Variants in BBS9 observed in about 807,000 individuals in gnomAD.
BBS9 encodes the protein protein PTHB1.
A neutral mutation model predicts 117.7 loss-of-function variants in BBS9; 89 were observed. The observed-to-expected ratio is 0.76, with a 90% confidence interval of 0.64 to 0.90. The LOEUF (loss-of-function observed/expected upper bound fraction) is 0.90. Among genes scored for constraint, BBS9 ranks in the 40% least tolerant of loss-of-function variants. The probability of loss-of-function intolerance (pLI) is 0.00; values close to 1 mark genes in which losing one functional copy is unlikely to be tolerated. For missense variants in BBS9, 982 were observed against 1,042.2 expected (o/e 0.94, Z 0.80); for synonymous variants, 379 against 370.9 (o/e 1.02, Z -0.25).
intron 19 of BBS9, among the ~76,000 whole-genome samples, chr7:33,431,607 A>G (rs771266168): frequency 1.2e-4 from 18 of 152,218 alleles, no homozygotes; most frequent in Non-Finnish European, 2.5e-4. Flanking sequence ...AGAAGGTGCC[A>G]TCTATGGACT....
intron 21 of BBS9, among the ~76,000 whole-genome samples, chr7:33,627,074 A>G (rs1865672570): frequency 6.6e-6 from 1 of 152,234 alleles, no homozygotes; most frequent in Non-Finnish European, 1.5e-5. Flanking sequence ...TTCCCATCAT[A>G]GGCCCGGAGG....
intron 9 of BBS9, among the ~76,000 whole-genome samples, chr7:33,310,701 G>C (rs1214868098): frequency 6.6e-6 from 1 of 152,218 alleles, no homozygotes; most frequent in Non-Finnish European, 1.5e-5. Context: ...CATAACCGGA[G>C]CAGGAAGTGT....
chr7:33,240,448 G>A (rs1562859980), intron 5 of BBS9, among the ~76,000 whole-genome samples: 1 of 152,068 alleles, frequency 6.6e-6, no homozygotes, highest in East Asian at 1.9e-4. Context: ...TAGAGATGAG[G>A]TCTTGCTGTG....
intron 17 of BBS9, among the ~76,000 whole-genome samples, chr7:33,379,336 T>G (rs886908745): frequency 6.6e-6 from 1 of 152,226 alleles, no homozygotes; most frequent in Non-Finnish European, 1.5e-5. Context: ...ATGTTTATCT[T>G]TTTTAAGATT....
chr7:33,629,352 A>T (rs915846793), intron 21 of BBS9, among the ~76,000 whole-genome samples: 1 of 152,116 alleles, frequency 6.6e-6, no homozygotes, highest in Admixed American at 6.5e-5. Flanking sequence ...TTAAAAAATG[A>T]TTTAACAATT....
At chr7:33,476,598 T>G (rs1303363084) in intron 19 of BBS9, among the ~76,000 whole-genome samples, 1 of 151,958 alleles carries the variant, frequency 6.6e-6, no homozygotes, top group Non-Finnish European at 1.5e-5. Flanking sequence ...CCTGAGGGGG[T>G]GGTATTGGCT....
At chr7:33,510,048 T>C (rs2129022991) in intron 20 of BBS9, among the ~76,000 whole-genome samples, 1 of 152,260 alleles carries the variant, frequency 6.6e-6, no homozygotes, top group African/African-American at 2.4e-5. Context: ...ATACCCCTTT[T>C]CATGACAGAA....
intron 19 of BBS9, among the ~76,000 whole-genome samples, chr7:33,469,470 T>C (rs1219228572): frequency 6.6e-6 from 1 of 152,204 alleles, no homozygotes; most frequent in African/African-American, 2.4e-5. Context: ...CAAAGTCCTA[T>C]CTTTCTGTAG....
chr7:33,148,662 CTTTT>C (rs554496476), intron 2 of BBS9, among the ~76,000 whole-genome samples: 7 of 133,024 alleles, frequency 5.3e-5, no homozygotes, highest in Non-Finnish European at 3.2e-5. Context: ...TGCACCTGGC[CTTTT>C]TTTTTTTTTT....
intron 12 of BBS9, among the ~76,000 whole-genome samples, chr7:33,346,634 A>G (rs1468356100): frequency 6.6e-6 from 1 of 152,092 alleles, no homozygotes; most frequent in Non-Finnish European, 1.5e-5. Flanking sequence ...TTCATTACCT[A>G]TCTCCTTGAT....
chr7:33,447,214 C>T (rs1837122741), intron 19 of BBS9, among the ~76,000 whole-genome samples: 1 of 152,196 alleles, frequency 6.6e-6, no homozygotes, highest in African/African-American at 2.4e-5. Context: ...GTAGTGTTCT[C>T]CCTTCACTTC....
At chr7:33,226,460 G>A (rs561586947) in intron 5 of BBS9, among the ~76,000 whole-genome samples, 2 of 152,114 alleles carry the variant, frequency 1.3e-5, no homozygotes, top group African/African-American at 4.8e-5. Flanking sequence ...ACAAACAAAA[G>A]GATACAAAAT....
intron 19 of BBS9, among the ~76,000 whole-genome samples, chr7:33,494,998 AC>A (rs1476830360): frequency 2.0e-5 from 3 of 152,192 alleles, no homozygotes; most frequent in Non-Finnish European, 2.9e-5. Flanking sequence ...CCAAAGAACT[AC>A]CAGATAGTAG....
intron 5 of BBS9, among the ~76,000 whole-genome samples, chr7:33,208,361 C>T (rs1787355193): frequency 6.6e-6 from 1 of 152,158 alleles, no homozygotes; most frequent in Non-Finnish European, 1.5e-5. Context: ...TAGCAAATTC[C>T]TCTAAGTATT....
At chr7:33,276,351 A>G (rs1400753414) in intron 9 of BBS9, among the ~76,000 whole-genome samples, 3 of 152,216 alleles carry the variant, frequency 2.0e-5, no homozygotes, top group Non-Finnish European at 4.4e-5. Flanking sequence ...CTTAAATCTT[A>G]TTACTTATCT....
intron 5 of BBS9, among the ~76,000 whole-genome samples, chr7:33,211,132 CTG>C (rs1387966421): frequency 1.3e-5 from 2 of 152,098 alleles, no homozygotes; most frequent in Non-Finnish European, 2.9e-5. Flanking sequence ...TTCAGCCACT[CTG>C]TGTTTTAATT....
At chr7:33,448,599 T>C (rs941533599) in intron 19 of BBS9, among the ~76,000 whole-genome samples, 1 of 152,244 alleles carries the variant, frequency 6.6e-6, no homozygotes, top group African/African-American at 2.4e-5. Context: ...ATACCTGTAA[T>C]GTAAGCATTC....
chr7:33,221,177 C>G lies in BBS9; in HGVS notation c.443-36059C>G, dbSNP rs563369359. Among the ~76,000 whole-genome samples, 11 of 152,258 alleles carry G rather than the reference C, an allele frequency of 7.2e-5. No homozygotes were observed. The South Asian group carries it at 2.3e-3, about 32-fold the overall frequency. On this transcript the variant is annotated intron_variant, in intron 5 of 22. Transcript: ENST00000242067. The stretch of plus-strand genomic sequence containing the variant: ...TTATACCTAGATAATTTGTTCATAC[C>G]TTACCTTTAATTATTGCATGTGTTA...
intron 9 of BBS9, among the ~76,000 whole-genome samples, chr7:33,278,338 A>G (rs1412292660): frequency 3.9e-5 from 6 of 152,196 alleles, no homozygotes; most frequent in Non-Finnish European, 5.9e-5. Context: ...GCATGTATTC[A>G]TAGGTGCCTG....
Sources: gnomAD v4.1 joint callset for allele counts (sites outside exome capture counted in the v4.1 genomes callset) on GRCh38, gnomAD v4.1.1 for gene constraint, MANE v1.5 for transcripts, NCBI Gene and HGNC (gene_info 2026-07-23, HGNC 2026-07-21) for gene names.